RNF141: variants seen among roughly 807,000 people sequenced by gnomAD.
RNF141 encodes C3HC4-like zinc finger protein.
In RNF141, 18 loss-of-function variants were observed where a neutral mutation model predicts 27.4. The ratio of observed to expected loss-of-function variants is 0.66; its 90% CI spans 0.45 to 0.97. RNF141 has a LOEUF of 0.97. Among genes scored for constraint, RNF141 ranks in the 50% least tolerant of loss-of-function variants. The pLI is 0.00. For missense variants in RNF141, 230 were observed against 279.4 expected (o/e 0.82, Z 1.26); for synonymous variants, 97 against 96.6 (o/e 1.00, Z -0.02).
chr11:10,525,867 A>G (rs2133970368), intron 3 of RNF141, among the ~76,000 whole-genome samples: 2 of 152,334 alleles, frequency 1.3e-5, no homozygotes, highest in East Asian at 3.9e-4. Flanking sequence ...TCCTAACAAA[A>G]GGTGGTTGGA....
Position 10,534,010 on chromosome 11 carries a change from C to A in RNF141, c.143+6G>T, listed in dbSNP as rs375380846. ...AAAAACGAAAAACAAAAAGAGCAAG[C>A]CTTACACATCATTAAGCTCAGCTAC... On this transcript the variant is annotated splice_donor_region_variant and intron_variant, in intron 2 of 5. Transcript: ENST00000265981. The A allele has an allele frequency of 9.3e-6, 15 of 1,612,050 alleles. No individual in the cohort carries two copies. Among genetic ancestry groups the A allele is most frequent in the Non-Finnish European group, 1.0e-5 (12 of 1,179,052 alleles).
At chr11:10,539,237 G>A (rs980902589) in intron 1 of RNF141, among the ~76,000 whole-genome samples, 1 of 151,954 alleles carries the variant, frequency 6.6e-6, no homozygotes, top group South Asian at 2.1e-4. Flanking sequence ...AAGCAAAAAC[G>A]AAAAAACTGC....
At position 10,534,312 on chromosome 11, in the gene RNF141, G is replaced by A. The variant is rs542890758; in HGVS notation, c.-47-107C>T. 54 of 716,028 alleles carry A rather than the reference G, an allele frequency of 7.5e-5. No homozygotes were observed. In the South Asian group the frequency reaches 9.8e-4, roughly 13 times the overall value. 44.4% of individuals were successfully genotyped at this position (716,028 alleles called of 1,614,324 possible). On this transcript the variant is annotated intron_variant, in intron 1 of 5. Transcript: ENST00000265981. ...CTAGGGATACCTTTAAGTGAGAGTTGAGTAGACCTACATGAGTCTAAGGTA... is the reference window on the plus strand; with the variant it reads ...CTAGGGATACCTTTAAGTGAGAGTTAAGTAGACCTACATGAGTCTAAGGTA...
In RNF141 at chr11:10,514,849, C is replaced by A; in HGVS notation, c.*67G>T. The A allele has an allele frequency of 6.7e-7, 1 of 1,489,926 alleles. No homozygotes were observed. The highest frequency in any genetic ancestry group is 1.3e-5 in the South Asian group (1 of 75,030). The allele number at this position is 1,489,926 out of a possible 1,614,324, so 92.3% of individuals were successfully genotyped here. A position where few individuals can be genotyped will look rare whatever the true frequency, so the allele number is the denominator to read the frequency against. Reference sequence around the variant, plus strand: ...CCTGTGTCTGTGCCAGTGCCACAACCCTACATTCTTCCCCCATGACCAAAT... The same window carrying A: ...CCTGTGTCTGTGCCAGTGCCACAACACTACATTCTTCCCCCATGACCAAAT... On this transcript the variant is annotated 3_prime_UTR_variant, in exon 6 of 6. Coordinates refer to ENST00000265981, the MANE Select transcript of RNF141 (RefSeq NM_016422.4).
intron 4 of RNF141, among the ~76,000 whole-genome samples, chr11:10,520,006 TA>T (rs888768273): frequency 2.0e-5 from 3 of 152,182 alleles, no homozygotes; most frequent in Non-Finnish European, 4.4e-5. Context: ...TCTCATGTTT[TA>T]AGAAGGTTTA....
At chr11:10,521,386 T>C (rs1250847089) in intron 4 of RNF141, among the ~76,000 whole-genome samples, 1 of 152,238 alleles carries the variant, frequency 6.6e-6, no homozygotes, top group African/African-American at 2.4e-5. Flanking sequence ...TGAAGTGATT[T>C]TAATTTCTTT....
chr11:10,536,446 C>A (rs1345241175), intron 1 of RNF141, among the ~76,000 whole-genome samples: 3 of 151,920 alleles, frequency 2.0e-5, no homozygotes, highest in African/African-American at 7.3e-5. Context: ...TGCGGATGAC[C>A]AAAACTGGAA....
rs183738338 is a variant in RNF141 at position 10,530,904 on chromosome 11, T to C, written c.144-153A>G. Among the ~76,000 whole-genome samples the C allele has an allele frequency of 2.5e-3, 386 of 152,330 alleles. 1 individual carries two copies. The highest frequency in any genetic ancestry group is 4.0e-3 in the Non-Finnish European group (274 of 68,022). On this transcript the variant is annotated intron_variant, in intron 2 of 5. Coordinates refer to ENST00000265981, the MANE Select transcript of RNF141 (RefSeq NM_016422.4). Reference sequence around the variant, plus strand: ...ATAATGATTATAATAACTGGATTCTTAAAACAGGGATAGAGAATATTTTGA... The same window carrying C: ...ATAATGATTATAATAACTGGATTCTCAAAACAGGGATAGAGAATATTTTGA...
intron 4 of RNF141, 99 bp downstream of exon 4, chr11:10,525,093 A>ATT: frequency 1.3e-6 from 1 of 776,060 alleles, no homozygotes; most frequent in Non-Finnish European, 1.9e-6. Context: ...AAAAAAAAAG[A>ATT]TTTAAGATGC....
chr11:10,521,061 C>G (rs887450404), intron 4 of RNF141, among the ~76,000 whole-genome samples: 1 of 152,182 alleles, frequency 6.6e-6, no homozygotes, highest in Non-Finnish European at 1.5e-5. Flanking sequence ...CAGTTTCTGT[C>G]CTCCAGGAGC....
intron 5 of RNF141, 144 bp from the exon 6 acceptor site, chr11:10,515,210 A>C: frequency 6.8e-6 from 6 of 887,050 alleles, no homozygotes; most frequent in Non-Finnish European, 8.2e-6. Context: ...CTCCTATCTC[A>C]ATCTTCAATT....
chr11:10,533,561 G>A (rs1043896225), intron 2 of RNF141, among the ~76,000 whole-genome samples: 1 of 151,740 alleles, frequency 6.6e-6, no homozygotes, highest in East Asian at 1.9e-4. Flanking sequence ...ATATGCATGT[G>A]TGTGTCTATA....
chr11:10,525,775 A>G (rs970380443), intron 3 of RNF141, among the ~76,000 whole-genome samples: 2 of 152,242 alleles, frequency 1.3e-5, no homozygotes, highest in African/African-American at 2.4e-5. Flanking sequence ...TACAACTCAA[A>G]CAAGTACTTT....
intron 5 of RNF141, among the ~76,000 whole-genome samples, chr11:10,517,940 A>T (rs894280649): frequency 2.0e-5 from 3 of 152,212 alleles, no homozygotes; most frequent in Non-Finnish European, 4.4e-5. Flanking sequence ...TACCATTTAA[A>T]ATAGCATAAA....
At chr11:10,526,178 G>A (rs774933615) in intron 3 of RNF141, among the ~76,000 whole-genome samples, 4 of 152,174 alleles carry the variant, frequency 2.6e-5, no homozygotes, top group Non-Finnish European at 5.9e-5. Flanking sequence ...ACAAGACATA[G>A]GATGGAAGAC....
Position 10,530,738 on chromosome 11 carries a change from C to A in RNF141, c.157G>T (p.Ala53Ser). The change falls in exon 3 of 6, where the codon GCT (alanine) becomes TCT (serine). Residue 53 changes from alanine to serine, a missense_variant. Coordinates refer to ENST00000265981, the MANE Select transcript of RNF141 (RefSeq NM_016422.4). ...AELNDVTAKVASGQEKHLLFE... is the reference protein window; with the variant it reads ...AELNDVTAKVSSGQEKHLLFE... The stretch of plus-strand genomic sequence containing the variant: ...AGAAGATGTTTTTCCTGGCCAGAAG[C>A]CACTTTAGCCGTTCTGAAAAGAGAC... The A allele has an allele frequency of 6.2e-7, 1 of 1,602,114 alleles. No homozygotes were observed. The highest frequency in any genetic ancestry group is 8.5e-7 in the Non-Finnish European group (1 of 1,173,078).
Position 10,519,052 on chromosome 11 carries a change from T to G in RNF141, c.524A>C (p.Gln175Pro). Residue 175 changes from glutamine (Q) to proline (P), a missense_variant, in exon 5 of 6, where the codon CAG becomes CCG. Transcript: ENST00000265981. ...AACTTACCATTTATCAATACACTTC[T>G]GACAAAAGCTGTGAGCACAAGGCAG... The part of the protein sequence containing the change: ...LILPCAHSFC[Q>P]KCIDKWSDRH... The G allele has an allele frequency of 6.2e-7, 1 of 1,613,906 alleles. No homozygotes were observed. The highest frequency in any genetic ancestry group is 2.2e-5 in the East Asian group (1 of 44,870).
chr11:10,532,931 G>A (rs905688443), intron 2 of RNF141, among the ~76,000 whole-genome samples: 1 of 152,188 alleles, frequency 6.6e-6, no homozygotes, highest in Admixed American at 6.5e-5. Flanking sequence ...AGGTGGACAT[G>A]CCATTAATAC....
At chr11:10,524,508 T>A (rs1250654252) in intron 4 of RNF141, among the ~76,000 whole-genome samples, 1 of 152,232 alleles carries the variant, frequency 6.6e-6, no homozygotes, top group Admixed American at 6.5e-5. Context: ...AGACAGGATG[T>A]CAACATGTTT....
Sources: gnomAD v4.1 joint callset for allele counts (sites outside exome capture counted in the v4.1 genomes callset) on GRCh38, gnomAD v4.1.1 for gene constraint, MANE v1.5 for transcripts, NCBI Gene and HGNC (gene_info 2026-07-23, HGNC 2026-07-21) for gene names.